Variants in GOLGB1 observed in about 807,000 individuals in gnomAD.
GOLGB1 encodes golgin subfamily B member 1.
Under a neutral mutation model 336.9 loss-of-function variants are expected in GOLGB1, and 174 were observed. The ratio of observed to expected loss-of-function variants is 0.52; its 90% confidence interval spans 0.46 to 0.59. The LOEUF is 0.59. GOLGB1 is among the 20% of genes least tolerant of loss of function. GOLGB1 has a pLI of 0.00. For missense variants in GOLGB1, 3,331 were observed against 3,645.3 expected (o/e 0.91, Z 2.22); for synonymous variants, 1,208 against 1,289.2 (o/e 0.94, Z 1.35).
intron 17 of GOLGB1, 104 bp from the exon 18 acceptor site, chr3:121,669,459 G>A: frequency 1.2e-6 from 1 of 869,428 alleles, no homozygotes; most frequent in Non-Finnish European, 1.8e-6. Context: ...GAAGACCTTT[G>A]TTTCAGCAAC....
chr3:121,693,133 CAATT>C (rs1942608192), intron 13 of GOLGB1, among the ~76,000 whole-genome samples: 1 of 152,070 alleles, frequency 6.6e-6, no homozygotes, highest in Non-Finnish European at 1.5e-5. Context: ...CGAGACTAGA[CAATT>C]AATTTGAGAG....
In GOLGB1 at chr3:121,698,572, T is replaced by C. The variant is rs368007968; in HGVS notation, c.1951A>G (p.Ser651Gly). 40 of 1,613,834 alleles carry C rather than the reference T, an allele frequency of 2.5e-5. No homozygotes were observed. Among genetic ancestry groups the C allele is most frequent in the Non-Finnish European group, 3.4e-5 (40 of 1,179,892 alleles). The change falls in exon 13 of 22, where the codon AGT (serine) becomes GGT (glycine). Residue 651 changes from serine to glycine, a missense_variant. Physicochemically the swap from Ser to Gly is moderately conservative, Grantham distance 56. Transcript: ENST00000614479. ...EKEQASTEHQ[S>G]RTSEEISLND... The stretch of plus-strand genomic sequence containing the variant: ...AAAGATATTTCCTCAGATGTTCTAC[T>C]TTGATGTTCAGTGCTCGCCTGTTCT...
In GOLGB1 at chr3:121,668,060, C is replaced by T; in HGVS notation, c.9419+1G>A. On this transcript the variant is annotated splice_donor_variant, in intron 19 of 21. Coordinates refer to ENST00000614479, the MANE Select transcript of GOLGB1 (RefSeq NM_001366282.2). LOFTEE classifies it high-confidence loss of function. ...CAGGGTTTAGAGAGCCACTCCCCTA[C>T]CTTTGCTGCGGTTCCCTTAGTTCCT... 2 of 1,561,028 alleles carry T rather than the reference C, an allele frequency of 1.3e-6. No homozygotes were observed. Among genetic ancestry groups the T allele is most frequent in the Non-Finnish European group, 1.8e-6 (2 of 1,140,560 alleles).
Position 121,719,756 on chromosome 3 carries a change from G to A in GOLGB1, c.661C>T (p.Gln221Ter). 1 of 1,604,982 alleles carries A rather than the reference G, an allele frequency of 6.2e-7. No individual in the cohort carries two copies. Reference protein sequence around the residue: ...AEQAAQLSSMQQVVREKDARF... With the variant: ...AEQAAQLSSM The stretch of plus-strand genomic sequence containing the variant: ...GCATCTTTCTCTCGGACCACCTGCT[G>A]CATGGAACTCAACTGAAGACACATA... The change falls in exon 7 of 22, where the codon CAG becomes TAG. Residue 221 changes from glutamine (Q) to a stop codon, truncating the protein, a stop_gained. Transcript: ENST00000614479. LOFTEE classifies it high-confidence loss of function.
At chr3:121,677,521 C>T in intron 15 of GOLGB1, 71 bp from the exon 16 acceptor site, 2 of 978,682 alleles carry the variant, frequency 2.0e-6, no homozygotes, top group Non-Finnish European at 1.6e-6. Context: ...GCACCTGTAA[C>T]CTCAGCACTT....
intron 3 of GOLGB1, among the ~76,000 whole-genome samples, chr3:121,729,600 G>GA (rs1945929988): frequency 6.6e-6 from 1 of 151,324 alleles, no homozygotes; most frequent in African/African-American, 2.4e-5. Context: ...TTTTTTTTGT[G>GA]GAGACAGGGT....
At chr3:121,683,771 A>G (rs371162880) in intron 14 of GOLGB1, among the ~76,000 whole-genome samples, 224 of 152,298 alleles carry the variant, frequency 1.5e-3, no homozygotes, top group African/African-American at 4.9e-3. Flanking sequence ...TAAAAATTAT[A>G]AAGAAAAACT....
chr3:121,715,458 C>G (rs1180380861), intron 9 of GOLGB1, among the ~76,000 whole-genome samples: 1 of 147,620 alleles, frequency 6.8e-6, no homozygotes, highest in Non-Finnish European at 1.5e-5. Context: ...CTCAGGTAAT[C>G]CCCCCCACCT....
chr3:121,740,712 T>C lies in GOLGB1; in HGVS notation c.-3+8920A>G, dbSNP rs559142209. ...TAAGAAATTAAGAGTTACATAGGAT[T>C]TGCGAGAAACAGATAAATATTGAAG... On this transcript the variant is annotated intron_variant, in intron 1 of 21. Transcript: ENST00000614479. 7.2e-5 allele frequency among the ~76,000 whole-genome samples: 11 copies of C among 152,296 alleles called. No homozygotes were observed. In the South Asian group the frequency reaches 2.3e-3, roughly 32 times the overall value.
At chr3:121,675,439 C>T (rs540686054) in intron 17 of GOLGB1, among the ~76,000 whole-genome samples, 1 of 152,218 alleles carries the variant, frequency 6.6e-6, no homozygotes, top group Admixed American at 6.5e-5. Flanking sequence ...CCCAAATGTC[C>T]TTCAACAGAA....
rs1179893486 is a variant in GOLGB1 at position 121,689,080 on chromosome 3, C to G, written c.8694+1590G>C. Among the ~76,000 whole-genome samples the G allele has an allele frequency of 4.6e-5, 7 of 150,934 alleles. No individual in the cohort carries two copies. The East Asian group carries it at 1.2e-3, about 25-fold the overall frequency. On this transcript the variant is annotated intron_variant, in intron 14 of 21. Coordinates refer to ENST00000614479, the MANE Select transcript of GOLGB1 (RefSeq NM_001366282.2). ...GAGGGAGGTGGGGGGGTCAGCCCCCCGCCCGGCCAGCCGCCCCGTCCGGGA... is the reference window on the plus strand; with the variant it reads ...GAGGGAGGTGGGGGGGTCAGCCCCCGGCCCGGCCAGCCGCCCCGTCCGGGA...
chr3:121,718,798 C>T (rs560415520), intron 7 of GOLGB1, among the ~76,000 whole-genome samples: 4 of 152,036 alleles, frequency 2.6e-5, no homozygotes, highest in Non-Finnish European at 5.9e-5. Context: ...CAAAATCATA[C>T]AGTTAATAAC....
chr3:121,703,229 A>T (rs1442184304), intron 10 of GOLGB1, among the ~76,000 whole-genome samples: 1 of 152,166 alleles, frequency 6.6e-6, no homozygotes, highest in East Asian at 1.9e-4. Flanking sequence ...ACAATTGTAG[A>T]ATTTTTAAGC....
In GOLGB1 at chr3:121,690,904, C is replaced by T; in HGVS notation, c.8460G>A (p.Glu2820=). 5 of 1,614,154 alleles carry T rather than the reference C, an allele frequency of 3.1e-6. No individual in the cohort carries two copies. Among genetic ancestry groups the T allele is most frequent in the Non-Finnish European group, 4.2e-6 (5 of 1,179,966 alleles). ...KLNQQLLSKD[E]QLLHLSSQLE... ...GTTGTGAGGACAAGTGAAGCAATTG[C>T]TCATCTTTGGATAGGAGCTGTTGGT... The change falls in exon 14 of 22, where the codon GAG becomes GAA. Residue 2820 remains glutamate (E), a synonymous_variant. Transcript: ENST00000614479.
chr3:121,697,637 A>G lies in GOLGB1; in HGVS notation c.2886T>C (p.Ser962=). ...TCTCATCATAATTTTGTTTAAGGCCAGAAGAAACTTCATTATCTTCTTCCA... is the reference window on the plus strand; with the variant it reads ...TCTCATCATAATTTTGTTTAAGGCCGGAAGAAACTTCATTATCTTCTTCCA... The part of the protein sequence containing the change: ...EQVEEDNEVS[S]GLKQNYDEMS... Residue 962 remains serine, a synonymous_variant, in exon 13 of 22, where the codon TCT becomes TCC. Coordinates refer to ENST00000614479, the MANE Select transcript of GOLGB1 (RefSeq NM_001366282.2). The G allele has an allele frequency of 6.2e-7, 1 of 1,612,566 alleles. No individual in the cohort carries two copies. Among genetic ancestry groups the G allele is most frequent in the African/African-American group, 1.3e-5 (1 of 74,890 alleles).
chr3:121,724,084 T>C (rs1188612370), intron 5 of GOLGB1, among the ~76,000 whole-genome samples: 4 of 151,978 alleles, frequency 2.6e-5, no homozygotes, highest in African/African-American at 9.7e-5. Flanking sequence ...TATTGACAAG[T>C]GGGGTCATCG....
intron 17 of GOLGB1, among the ~76,000 whole-genome samples, chr3:121,674,645 A>G (rs2107610552): frequency 6.6e-6 from 1 of 152,248 alleles, no homozygotes; most frequent in South Asian, 2.1e-4. Context: ...CCCATCTACT[A>G]CAATCTCATT....
At chr3:121,669,185 C>T in intron 18 of GOLGB1, 27 bp downstream of exon 18, 2 of 1,610,624 alleles carry the variant, frequency 1.2e-6, no homozygotes, top group Non-Finnish European at 1.7e-6. Flanking sequence ...CACACTTCTC[C>T]CAGTCTCTCA....
At chr3:121,671,220 T>C (rs1048623721) in intron 17 of GOLGB1, among the ~76,000 whole-genome samples, 3 of 152,360 alleles carry the variant, frequency 2.0e-5, no homozygotes, top group South Asian at 4.1e-4. Context: ...ACTGTATCTA[T>C]ACCTGTAAAA....
Sources: gnomAD v4.1 joint callset for allele counts (sites outside exome capture counted in the v4.1 genomes callset) on GRCh38, gnomAD v4.1.1 for gene constraint, MANE v1.5 for transcripts, NCBI Gene and HGNC (gene_info 2026-07-23, HGNC 2026-07-21) for gene names.